PARD6G: variants seen among roughly 807,000 people sequenced by gnomAD.
The protein encoded by PARD6G is partitioning defective 6 homolog gamma.
In PARD6G, 7 loss-of-function variants were observed where a neutral mutation model predicts 10.7. The observed-to-expected ratio is 0.66, with a 90% confidence interval of 0.37 to 1.23. The LOEUF is 1.23. Ranked by LOEUF, PARD6G falls within the 50% of genes most tolerant of loss-of-function variation. The probability of loss-of-function intolerance (pLI) is 0.02; values close to 1 mark genes in which losing one functional copy is unlikely to be tolerated. For synonymous variants in PARD6G, 287 were observed against 269.4 expected, an observed-to-expected ratio of 1.07 and a Z score of -0.64; for missense variants, 548 against 571.8, an observed-to-expected ratio of 0.96 and a Z score of 0.42.
At chr18:80,165,313 C>A (rs2052728348) in intron 2 of PARD6G, among the ~76,000 whole-genome samples, 1 of 152,224 alleles carries the variant, frequency 6.6e-6, no homozygotes, top group Admixed American at 6.5e-5. Flanking sequence ...CTCTCTCCTA[C>A]TTCCATGTCC....
At position 80,160,263 on chromosome 18, in the gene PARD6G, A is replaced by C; in HGVS notation, c.639T>G (p.Asn213Lys). 1 of 1,612,540 alleles carries C rather than the reference A, an allele frequency of 6.2e-7. No homozygotes were observed. The highest frequency in any genetic ancestry group is 8.5e-7 in the Non-Finnish European group (1 of 1,179,782). The change falls in exon 3 of 3, where the codon AAT becomes AAG. Residue 213 changes from asparagine to lysine, a missense_variant. Transcript: ENST00000353265. ...LAESTGLLAV[N>K]DEVLEVNGIE... ...TGCCGTTCACCTCCAGGACCTCGTCATTCACAGCCAGCAGCCCGGTGCTCT... is the reference window on the plus strand; with the variant it reads ...TGCCGTTCACCTCCAGGACCTCGTCCTTCACAGCCAGCAGCCCGGTGCTCT...
chr18:80,210,179 T>C (rs1250167111), intron 1 of PARD6G, among the ~76,000 whole-genome samples: 4 of 152,190 alleles, frequency 2.6e-5, no homozygotes, highest in Admixed American at 1.3e-4. Flanking sequence ...ACAGGAAAGA[T>C]GACAGGACAG....
chr18:80,168,867 C>G (rs144499614), intron 2 of PARD6G: 2 of 169,186 alleles, frequency 1.2e-5, no homozygotes, highest in East Asian at 3.8e-4. Flanking sequence ...GAAGCTCTCA[C>G]GGTTACAAGT....
chr18:80,195,580 T>TATATATATATATATATG (rs1217519591), intron 2 of PARD6G, among the ~76,000 whole-genome samples: 1 of 134,314 alleles, frequency 7.4e-6, no homozygotes, highest in African/African-American at 2.8e-5. Context: ...TATACACACA[T>TATATATATATATATATG]TTTTTTTTCT....
chr18:80,174,726 G>T (rs562213505), intron 2 of PARD6G, among the ~76,000 whole-genome samples: 1 of 151,994 alleles, frequency 6.6e-6, no homozygotes, highest in African/African-American at 2.4e-5. Context: ...AGGCCGAGGC[G>T]GGCGGATCAC....
rs1462016894 is a variant in PARD6G, at chr18:80,157,470, A to G, written c.*2301T>C. ...AAAAAAAACTCACATTTGCTTAACA[A>G]CTTAAAATGTGATAAGAAATATAAC... On this transcript the variant is annotated 3_prime_UTR_variant, in exon 3 of 3. Transcript: ENST00000353265. 2.0e-5 allele frequency: 3 copies of G among 152,242 alleles called. No homozygotes were observed. Among genetic ancestry groups the G allele is most frequent in the Non-Finnish European group, 4.4e-5 (3 of 68,046 alleles). The allele number at this position is 152,242 out of a possible 1,614,324, so 9.4% of individuals were successfully genotyped here.
In PARD6G at chr18:80,181,386, G is replaced by A. The variant is rs531759097; in HGVS notation, c.296-20780C>T. The stretch of plus-strand genomic sequence containing the variant: ...AGGCAGGCATCACGCTCTGGGCACC[G>A]GGGGACCCTGCGTGCTTGGGTGCAT... On this transcript the variant is annotated intron_variant, in intron 2 of 2. Transcript: ENST00000353265. The surrounding 1 kb of genome is among the most constrained non-coding windows in gnomAD (Gnocchi z 7.9). 1.3e-5 allele frequency among the ~76,000 whole-genome samples: 2 copies of A among 152,234 alleles called. No individual in the cohort carries two copies. Among genetic ancestry groups the A allele is most frequent in the Admixed American group, 6.5e-5 (1 of 15,298 alleles).
intron 1 of PARD6G, among the ~76,000 whole-genome samples, chr18:80,208,805 G>A (rs35079503): frequency 0.19 from 28,676 of 152,106 alleles, 2,908 homozygotes; most frequent in Middle Eastern, 0.28. Flanking sequence ...TTAGTAGCAA[G>A]TTAATAGATA....
At chr18:80,206,661 C>T (rs765938964) in intron 1 of PARD6G, among the ~76,000 whole-genome samples, 29 of 152,244 alleles carry the variant, frequency 1.9e-4, no homozygotes, top group South Asian at 2.1e-4. Flanking sequence ...GGGGCCTTCA[C>T]TCTCATCTAC....
chr18:80,189,970 C>T lies in PARD6G; in HGVS notation c.295+12740G>A, dbSNP rs1017364044. ...TATATTCAGTGTTGTGTAACCACCACCACCACCTAATTCTGGAACACTTCA... is the reference window on the plus strand; with the variant it reads ...TATATTCAGTGTTGTGTAACCACCATCACCACCTAATTCTGGAACACTTCA... On this transcript the variant is annotated intron_variant, in intron 2 of 2. Coordinates refer to ENST00000353265, the MANE Select transcript of PARD6G (RefSeq NM_032510.4). This position sits in a 1 kb window ranked among gnomAD's most constrained non-coding sequence, Gnocchi z 5.5. 2.0e-5 allele frequency among the ~76,000 whole-genome samples: 3 copies of T among 152,146 alleles called. No individual in the cohort carries two copies. Among genetic ancestry groups the T allele is most frequent in the Admixed American group, 2.0e-4 (3 of 15,272 alleles).
chr18:80,212,975 T>G (rs777089230), intron 1 of PARD6G, among the ~76,000 whole-genome samples: 50 of 152,262 alleles, frequency 3.3e-4, no homozygotes, highest in Non-Finnish European at 4.4e-4. Flanking sequence ...ATATTTGGGG[T>G]CTTTATTTAG....
chr18:80,229,750 C>T (rs1167287152), intron 1 of PARD6G, among the ~76,000 whole-genome samples: 2 of 152,108 alleles, frequency 1.3e-5, no homozygotes, highest in Non-Finnish European at 2.9e-5. Flanking sequence ...AAACACAGGC[C>T]CTAATTTAAA....
intron 1 of PARD6G, among the ~76,000 whole-genome samples, chr18:80,244,578 G>A (rs1461664815): frequency 6.6e-6 from 1 of 152,158 alleles, no homozygotes; most frequent in African/African-American, 2.4e-5. Flanking sequence ...TTAACTCAAA[G>A]CGCTCTTGTA....
chr18:80,160,149 G>T lies in PARD6G; in HGVS notation c.753C>A (p.Asn251Lys). The T allele has an allele frequency of 6.2e-7, 1 of 1,613,332 alleles. No homozygotes were observed. Among genetic ancestry groups the T allele is most frequent in the Non-Finnish European group, 8.5e-7 (1 of 1,179,774 alleles). ...CGCCGCGCACCACGTTGTTGCGCTGGTTGGCGGGCTTGACGGTGACGATGA... is the reference window on the plus strand; with the variant it reads ...CGCCGCGCACCACGTTGTTGCGCTGTTTGGCGGGCTTGACGGTGACGATGA... Reference protein sequence around the residue: ...HNLIVTVKPANQRNNVVRGGR... With the variant: ...HNLIVTVKPAKQRNNVVRGGR... The change falls in exon 3 of 3, where the codon AAC becomes AAA. Residue 251 changes from asparagine (N) to lysine (K), a missense_variant. Transcript: ENST00000353265.
At chr18:80,197,378 GAGCAA>G (rs1966967361) in intron 2 of PARD6G, 1 of 152,130 alleles carries the variant, frequency 6.6e-6, no homozygotes, top group Non-Finnish European at 1.5e-5. Context: ...AGTGAAATCA[GAGCAA>G]AATACACCCC....
At chr18:80,215,350 A>G (rs1172705268) in intron 1 of PARD6G, among the ~76,000 whole-genome samples, 1 of 152,222 alleles carries the variant, frequency 6.6e-6, no homozygotes, top group Admixed American at 6.5e-5. Flanking sequence ...ATAGGTATAT[A>G]AAAATGATAG....
At chr18:80,187,518 G>A (rs562240352) in intron 2 of PARD6G, among the ~76,000 whole-genome samples, 1 of 152,202 alleles carries the variant, frequency 6.6e-6, no homozygotes. Flanking sequence ...GTTAGATTTA[G>A]TTGTGAATCA....
chr18:80,208,646 G>A (rs1349589788), intron 1 of PARD6G, among the ~76,000 whole-genome samples: 1 of 152,152 alleles, frequency 6.6e-6, no homozygotes. Flanking sequence ...GTATACACCT[G>A]TAGTCCCAGC....
chr18:80,195,577 ACAT>A (rs1966947584), intron 2 of PARD6G, among the ~76,000 whole-genome samples: 1 of 134,872 alleles, frequency 7.4e-6, no homozygotes, highest in African/African-American at 2.9e-5. Context: ...ATATATACAC[ACAT>A]TTTTTTTTCT....
Sources: allele counts gnomAD v4.1 joint callset (sites outside exome capture counted in the v4.1 genomes callset), GRCh38; gene constraint gnomAD v4.1.1; non-coding constraint Gnocchi (gnomAD v3.1); transcripts MANE v1.5; gene names NCBI Gene and HGNC (gene_info 2026-07-23, HGNC 2026-07-21).